Variants in IL18RAP observed in about 807,000 individuals in gnomAD.
IL18RAP encodes interleukin-18 receptor accessory protein.
In IL18RAP, 37 loss-of-function variants were observed where a neutral mutation model predicts 58.1. That is an observed-to-expected ratio of 0.64 (90% CI 0.49 to 0.84). IL18RAP has a LOEUF of 0.84. Ranked by LOEUF, IL18RAP falls within the 40% of genes least tolerant of loss-of-function variation. The probability of loss-of-function intolerance (pLI) is 0.00; values close to 1 mark genes in which losing one functional copy is unlikely to be tolerated. For synonymous variants in IL18RAP, 268 were observed against 257.5 expected, an observed-to-expected ratio of 1.04 and a Z score of -0.39; for missense variants, 667 against 704.8, an observed-to-expected ratio of 0.95 and a Z score of 0.61.
At chr2:102,418,787 C>A (rs1681398557), upstream of IL18RAP, 1 of 152,248 alleles carries the variant, frequency 6.6e-6, no homozygotes, top group Admixed American at 6.5e-5. Context: ...GTGTCTTCTC[C>A]AGGTATCTCT....
rs1365769788 is a variant in IL18RAP at position 102,451,752 on chromosome 2, T to G, written c.1385-14T>G. ...ACAATATCCATTGCAAATAATCAAATGTTTTATTTCCAGTGTATGCAGAAG... is the reference window on the plus strand; with the variant it reads ...ACAATATCCATTGCAAATAATCAAAGGTTTTATTTCCAGTGTATGCAGAAG... On this transcript the variant is annotated splice_polypyrimidine_tract_variant and intron_variant, in intron 9 of 9. Transcript: ENST00000687160. The G allele has an allele frequency of 6.3e-7, 1 of 1,590,150 alleles. No homozygotes were observed. Among genetic ancestry groups the G allele is most frequent in the East Asian group, 2.2e-5 (1 of 44,518 alleles).
intron 4 of IL18RAP, among the ~76,000 whole-genome samples, chr2:102,438,447 A>T (rs1252063213): frequency 1.3e-5 from 2 of 152,210 alleles, no homozygotes; most frequent in East Asian, 3.8e-4. Flanking sequence ...ATTAATTTAG[A>T]TTACATGTTA....
At chr2:102,445,121 T>A (rs1683332492) in intron 6 of IL18RAP, 68 bp from the exon 7 acceptor site, 1 of 1,455,844 alleles carries the variant, frequency 6.9e-7, no homozygotes, top group Non-Finnish European at 9.5e-7. Flanking sequence ...CTTATACGTG[T>A]TCCAAATGCT....
At chr2:102,424,176 T>A in intron 2 of IL18RAP, 41 bp downstream of exon 2, 1 of 1,606,418 alleles carries the variant, frequency 6.2e-7, no homozygotes, top group Non-Finnish European at 8.5e-7. Context: ...CATTTCCAAA[T>A]CCTCTATTAT....
At position 102,437,215 on chromosome 2, in the gene IL18RAP, G is replaced by A. The variant is rs1267139477; in HGVS notation, c.583G>A (p.Gly195Arg). The change falls in exon 4 of 10, where the codon GGA (glycine) becomes AGA (arginine). Residue 195 changes from glycine to arginine, a missense_variant. Physicochemically the swap from Gly to Arg is moderately radical, Grantham distance 125. Transcript: ENST00000687160. ...CTTAAAATATCTTTTGGATTAGAAT[G>A]GAAAACTCCTCTCTGTGGAAAGGAG... ...QSPAVTWYKN[G>R]KLLSVERSNR... is the part of the protein sequence containing the mutation. 6.2e-7 allele frequency: 1 copy of A among 1,606,752 alleles called. No individual in the cohort carries two copies. The highest frequency in any genetic ancestry group is 8.5e-7 in the Non-Finnish European group (1 of 1,177,660).
At chr2:102,430,791 A>C (rs574889348) in intron 3 of IL18RAP, among the ~76,000 whole-genome samples, 1 of 152,160 alleles carries the variant, frequency 6.6e-6, no homozygotes, top group Non-Finnish European at 1.5e-5. Flanking sequence ...AGCTAATAAC[A>C]ACTTAACTTT....
intron 3 of IL18RAP, among the ~76,000 whole-genome samples, chr2:102,426,397 T>C (rs1681944466): frequency 6.6e-6 from 1 of 151,666 alleles, no homozygotes; most frequent in South Asian, 2.1e-4. Context: ...TATTTTTAAT[T>C]GGCGAATTAA....
chr2:102,432,234 C>G (rs919454077), intron 3 of IL18RAP: 1 of 152,274 alleles, frequency 6.6e-6, no homozygotes, highest in Admixed American at 6.5e-5. Context: ...GCTTTGCGTT[C>G]CAGTGAGACC....
chr2:102,443,137 A>AG (rs1296789132), intron 5 of IL18RAP, 63 bp from the exon 6 acceptor site: 2 of 1,528,212 alleles, frequency 1.3e-6, no homozygotes, highest in Non-Finnish European at 1.8e-6. Context: ...TCTTCCTCCC[A>AG]GATGTAGGAC....
chr2:102,435,208 G>A (rs993016501), intron 3 of IL18RAP: 3 of 152,230 alleles, frequency 2.0e-5, no homozygotes, highest in Non-Finnish European at 2.9e-5. Context: ...GACTAGAATG[G>A]AAATAAAGGT....
At chr2:102,432,655 C>T (rs1682457839) in intron 3 of IL18RAP, among the ~76,000 whole-genome samples, 1 of 152,100 alleles carries the variant, frequency 6.6e-6, no homozygotes, top group Non-Finnish European at 1.5e-5. Context: ...GATTGGGTTG[C>T]CACGCACCTT....
rs571155601 is a variant in IL18RAP, at chr2:102,449,073, G to C, written c.1211-1775G>C. Among the ~76,000 whole-genome samples the C allele has an allele frequency of 1.8e-4, 27 of 149,296 alleles. No individual in the cohort carries two copies. The South Asian group carries it at 3.0e-3, about 16-fold the overall frequency. On this transcript the variant is annotated intron_variant, in intron 8 of 9. Coordinates refer to ENST00000687160, the MANE Select transcript of IL18RAP (RefSeq NM_001393487.1). ...CACTTGAAGTCTGGATTTGAGATCAGCCTGGCCAACACGGTGCAACCCCAT... is the reference window on the plus strand; with the variant it reads ...CACTTGAAGTCTGGATTTGAGATCACCCTGGCCAACACGGTGCAACCCCAT...
chr2:102,441,748 C>T (rs1985329), intron 5 of IL18RAP, among the ~76,000 whole-genome samples: 75,077 of 151,528 alleles, frequency 0.5, 19,595 homozygotes, highest in African/African-American at 0.6. Context: ...ATTAGCCGGG[C>T]GTGGGTGTGG....
intron 3 of IL18RAP, among the ~76,000 whole-genome samples, chr2:102,436,679 G>C (rs1682761236): frequency 7.2e-6 from 1 of 139,708 alleles, no homozygotes; most frequent in African/African-American, 2.6e-5. Context: ...TTGTCAGAGA[G>C]AGAAAAAAAA....
intron 4 of IL18RAP, among the ~76,000 whole-genome samples, chr2:102,440,713 A>G (rs965465926): frequency 6.6e-6 from 1 of 152,204 alleles, no homozygotes; most frequent in Non-Finnish European, 1.5e-5. Context: ...GAGAAGTAAA[A>G]GTAGGTGATG....
In IL18RAP at chr2:102,424,348, C is replaced by T; in HGVS notation, c.513C>T (p.Gly171=). ...HKQDLLLGST[G]SISCPSLSCQ... ...AAGACCTACTTCTTGGGAGCACTGG[C>T]TCTATTTCTTGCCCCAGTCTCAGCT... Residue 171 remains glycine (G), a synonymous_variant, in exon 3 of 10, where the codon GGC becomes GGT. Coordinates refer to ENST00000687160, the MANE Select transcript of IL18RAP (RefSeq NM_001393487.1). 1 of 1,614,074 alleles carries T rather than the reference C, an allele frequency of 6.2e-7. No individual in the cohort carries two copies.
intron 5 of IL18RAP, among the ~76,000 whole-genome samples, chr2:102,442,739 G>A (rs1050805648): frequency 2.8e-5 from 4 of 141,606 alleles, no homozygotes; most frequent in African/African-American, 5.1e-5. Context: ...GCTTAATATC[G>A]AAATAATTTT....
In IL18RAP at chr2:102,443,104, T is replaced by A. The variant is rs1683203626; in HGVS notation, c.797-96T>A. 4.1e-6 allele frequency: 5 copies of A among 1,219,316 alleles called. No homozygotes were observed. In the Admixed American group the frequency reaches 9.1e-5, roughly 22 times the overall value. The allele number at this position is 1,219,316 out of a possible 1,614,324, so 75.5% of individuals were successfully genotyped here. ...TATTCTACCTGCAAACCTGATTGCATCAGGAGACAGCTTCTGGCGACGTCT... is the reference window on the plus strand; with the variant it reads ...TATTCTACCTGCAAACCTGATTGCAACAGGAGACAGCTTCTGGCGACGTCT... On this transcript the variant is annotated intron_variant, in intron 5 of 9. Coordinates refer to ENST00000687160, the MANE Select transcript of IL18RAP (RefSeq NM_001393487.1).
chr2:102,423,869 C>T lies in IL18RAP; in HGVS notation c.129C>T (p.Val43=). 6.2e-7 allele frequency: 1 copy of T among 1,613,830 alleles called. No individual in the cohort carries two copies. Among genetic ancestry groups the T allele is most frequent in the Non-Finnish European group, 8.5e-7 (1 of 1,179,870 alleles). The part of the protein sequence containing the change: ...TYSTRSEEEF[V]LFCDLPEPQK... ...CTACAAGGAGTGAAGAGGAATTTGT[C>T]TTATTTTGTGATTTACCAGAGCCAC... The change falls in exon 2 of 10, where the codon GTC becomes GTT. Residue 43 remains valine, a synonymous_variant. Transcript: ENST00000687160.
Sources: gnomAD v4.1 joint callset for allele counts (sites outside exome capture counted in the v4.1 genomes callset) on GRCh38, gnomAD v4.1.1 for gene constraint, MANE v1.5 for transcripts, NCBI Gene and HGNC (gene_info 2026-07-23, HGNC 2026-07-21) for gene names.